The following DIP2C variants were observed in gnomAD, a reference collection of about 807,000 sequenced individuals.
DIP2C encodes the protein DIP2 acetate--CoA ligase C (putative), also known as disco-interacting protein 2 homolog C.
DIP2C carries 33 observed loss-of-function variants against 192.4 expected under a neutral mutation model. The ratio of observed to expected loss-of-function variants is 0.17; its 90% CI spans 0.13 to 0.23. The LOEUF (loss-of-function observed/expected upper bound fraction) is 0.23, where lower values mean the gene tolerates loss of function less well. Ranked by LOEUF, DIP2C falls within the 10% of genes least tolerant of loss-of-function variation. The probability of loss-of-function intolerance (pLI) is 1.00; values close to 1 mark genes in which losing one functional copy is unlikely to be tolerated. For synonymous variants in DIP2C, 979 were observed against 864.1 expected, an observed-to-expected ratio of 1.13 and a Z score of -2.33; for missense variants, 1,537 against 2,110.1, an observed-to-expected ratio of 0.73 and a Z score of 5.32.
intron 1 of DIP2C, among the ~76,000 whole-genome samples, chr10:520,347 G>A (rs1846617777): frequency 6.6e-6 from 1 of 152,232 alleles, no homozygotes. Context: ...CCGAAGACGT[G>A]TGCGTTACCT....
chr10:449,222 G>A (rs1223034927), intron 3 of DIP2C, among the ~76,000 whole-genome samples: 3 of 152,132 alleles, frequency 2.0e-5, no homozygotes, highest in Admixed American at 6.5e-5. Context: ...ACTCACCCCC[G>A]TCGATACTCA....
At chr10:589,150 C>T (rs1002151418) in intron 1 of DIP2C, among the ~76,000 whole-genome samples, 16 of 152,162 alleles carry the variant, frequency 1.1e-4, no homozygotes, top group African/African-American at 3.9e-4. Context: ...AGCACCTGTT[C>T]AGGTCTCTGC....
intron 4 of DIP2C, among the ~76,000 whole-genome samples, chr10:433,964 C>A (rs1468615993): frequency 7.9e-5 from 12 of 151,220 alleles, no homozygotes; most frequent in Admixed American, 7.3e-4. Flanking sequence ...CTTATCATAT[C>A]AGTTACTTTT....
intron 1 of DIP2C, among the ~76,000 whole-genome samples, chr10:676,274 A>C (rs1588750276): frequency 1.3e-5 from 2 of 152,332 alleles, no homozygotes; most frequent in Admixed American, 1.3e-4. Context: ...AACACAATAA[A>C]GGCCATATGT....
chr10:554,196 A>AAAAGGTATAGCTCGC (rs1455027675), intron 1 of DIP2C, among the ~76,000 whole-genome samples: 2 of 152,112 alleles, frequency 1.3e-5, no homozygotes, highest in Non-Finnish European at 2.9e-5. Context: ...ATCACAGGAG[A>AAAAGGTATAGCTCGC]AAAGGTATAG....
At chr10:377,016 G>A (rs968217179) in intron 17 of DIP2C, among the ~76,000 whole-genome samples, 8 of 152,154 alleles carry the variant, frequency 5.3e-5, no homozygotes, top group Non-Finnish European at 1.0e-4. Flanking sequence ...TTGATTTAAT[G>A]TAATATTCTT....
intron 1 of DIP2C, among the ~76,000 whole-genome samples, chr10:572,527 G>A (rs775233580): frequency 1.3e-5 from 2 of 152,078 alleles, no homozygotes; most frequent in East Asian, 1.9e-4. Flanking sequence ...GCTTCTTACC[G>A]AGGTTGTAAT....
At chr10:346,499 C>CACCCA (rs1180837852) in intron 26 of DIP2C, among the ~76,000 whole-genome samples, 5 of 111,476 alleles carry the variant, frequency 4.5e-5, no homozygotes, top group Non-Finnish European at 9.3e-5. Context: ...ACCCCACACG[C>CACCCA]ACCCAGACAC....
At chr10:444,802 A>G (rs1237478455) in intron 3 of DIP2C, among the ~76,000 whole-genome samples, 1 of 152,246 alleles carries the variant, frequency 6.6e-6, no homozygotes, top group Non-Finnish European at 1.5e-5. Flanking sequence ...CAATGTATGA[A>G]TATATCATAA....
At chr10:478,989 C>G (rs957042052) in intron 2 of DIP2C, among the ~76,000 whole-genome samples, 1 of 152,192 alleles carries the variant, frequency 6.6e-6, no homozygotes, top group African/African-American at 2.4e-5. Context: ...CTGGGCTCCA[C>G]AGAGGCCTCC....
At chr10:389,259 T>C (rs1471456525) in intron 13 of DIP2C, among the ~76,000 whole-genome samples, 1 of 152,016 alleles carries the variant, frequency 6.6e-6, no homozygotes, top group Non-Finnish European at 1.5e-5. Context: ...TCTCAGAACA[T>C]CTCAGGAGGT....
rs1959726679 is a variant in DIP2C, at chr10:363,048, C to T, written c.2592+149G>A. Reference sequence around the variant, plus strand: ...TCGATCTGCTGAGCTAGTTTCTGGACACTTGATGTAGTTCCTGATCAAATG... The same window carrying T: ...TCGATCTGCTGAGCTAGTTTCTGGATACTTGATGTAGTTCCTGATCAAATG... On this transcript the variant is annotated intron_variant, in intron 21 of 36. Coordinates refer to ENST00000280886, the MANE Select transcript of DIP2C (RefSeq NM_014974.3). This position sits in a 1 kb window ranked among gnomAD's most constrained non-coding sequence, Gnocchi z 5.4. The T allele has an allele frequency of 4.4e-6, 3 of 678,638 alleles. No homozygotes were observed. The highest frequency in any genetic ancestry group is 2.0e-5 in the South Asian group (1 of 49,604). The allele number at this position is 678,638 out of a possible 1,614,324, so 42.0% of individuals were successfully genotyped here.
chr10:364,841 C>T (rs1959996151), intron 19 of DIP2C: 3 of 641,606 alleles, frequency 4.7e-6, no homozygotes, highest in Non-Finnish European at 5.8e-6. Flanking sequence ...CCTCTGAACC[C>T]TGAACAGATA....
intron 1 of DIP2C, among the ~76,000 whole-genome samples, chr10:506,196 G>A (rs1014408390): frequency 5.3e-5 from 8 of 152,114 alleles, no homozygotes; most frequent in Admixed American, 2.0e-4. Context: ...CAGCTGGAGA[G>A]AGATGCCTGG....
chr10:524,115 C>T (rs1057272059), intron 1 of DIP2C, among the ~76,000 whole-genome samples: 7 of 152,154 alleles, frequency 4.6e-5, no homozygotes, highest in Non-Finnish European at 1.0e-4. Context: ...GGAAGGAGTC[C>T]CTGGCTCCAG....
At chr10:299,199 G>C (rs1955900338) in intron 32 of DIP2C, among the ~76,000 whole-genome samples, 1 of 152,218 alleles carries the variant, frequency 6.6e-6, no homozygotes, top group African/African-American at 2.4e-5. Context: ...ATACATCAAG[G>C]TAAGTGTGGA....
chr10:394,887 G>A (rs1405880129), intron 10 of DIP2C, among the ~76,000 whole-genome samples: 2 of 151,138 alleles, frequency 1.3e-5, no homozygotes, highest in East Asian at 3.9e-4. Flanking sequence ...TCAGCCTTCA[G>A]ACAGGAGGGA....
intron 1 of DIP2C, among the ~76,000 whole-genome samples, chr10:611,923 G>A (rs768437133): frequency 2.3e-4 from 35 of 152,278 alleles, no homozygotes; most frequent in East Asian, 1.9e-3. Flanking sequence ...ACTGGTGTCC[G>A]AATCCCTGTC....
intron 4 of DIP2C, among the ~76,000 whole-genome samples, chr10:423,712 T>C (rs1746246337): frequency 6.6e-6 from 1 of 151,664 alleles, no homozygotes; most frequent in South Asian, 2.1e-4. Context: ...AGCTGATTTA[T>C]TTCTACGTCG....
Sources: gnomAD v4.1 joint callset for allele counts (sites outside exome capture counted in the v4.1 genomes callset) on GRCh38, gnomAD v4.1.1 for gene constraint, Gnocchi (gnomAD v3.1) non-coding constraint, MANE v1.5 for transcripts, NCBI Gene and HGNC (gene_info 2026-07-23, HGNC 2026-07-21) for gene names.